KHDRBS2: variants seen among roughly 807,000 people sequenced by gnomAD.
The protein encoded by KHDRBS2 is KH RNA binding domain containing, signal transduction associated 2, also known as KH domain-containing, RNA-binding, signal transduction-associated protein 2.
KHDRBS2 carries 26 observed loss-of-function variants against 44.3 expected under a neutral mutation model. The ratio of observed to expected loss-of-function variants is 0.59; its 90% CI spans 0.43 to 0.81. KHDRBS2 has a LOEUF of 0.81. Among genes scored for constraint, KHDRBS2 ranks in the 40% least tolerant of loss-of-function variants. KHDRBS2 has a pLI of 0.00. For synonymous variants in KHDRBS2, 194 were observed against 151.1 expected (o/e 1.28, Z -2.08); for missense variants, 476 against 433.1 (o/e 1.10, Z -0.88).
chr6:61,801,745 A>G (rs1001603973), intron 6 of KHDRBS2, among the ~76,000 whole-genome samples: 6 of 152,118 alleles, frequency 3.9e-5, no homozygotes, highest in African/African-American at 1.4e-4. Context: ...TCTTTGTCCC[A>G]TTTCATTCTC....
At chr6:62,178,346 G>GAATAGTGGCTGAA (rs1554458647) in intron 1 of KHDRBS2, among the ~76,000 whole-genome samples, 31 of 151,580 alleles carry the variant, frequency 2.0e-4, no homozygotes, top group African/African-American at 7.5e-4. Context: ...TAGTGAATGT[G>GAATAGTGGCTGAA]GAAAAAAGGC....
chr6:62,013,353 T>C (rs1244239834), intron 3 of KHDRBS2, among the ~76,000 whole-genome samples: 1 of 152,140 alleles, frequency 6.6e-6, no homozygotes, highest in African/African-American at 2.4e-5. Context: ...AATGATAAGG[T>C]ACTTAAATTA....
intron 2 of KHDRBS2, among the ~76,000 whole-genome samples, chr6:62,172,765 A>G (rs1197614416): frequency 1.3e-5 from 2 of 151,900 alleles, no homozygotes; most frequent in Non-Finnish European, 2.9e-5. Context: ...CACAATAAAA[A>G]TACATATCAA....
intron 2 of KHDRBS2, among the ~76,000 whole-genome samples, chr6:62,141,993 C>A (rs903167172): frequency 6.6e-6 from 1 of 152,012 alleles, no homozygotes; most frequent in African/African-American, 2.4e-5. Context: ...TACAAAAACT[C>A]ACCAAAAGTA....
chr6:61,927,975 G>T (rs1809286518), intron 4 of KHDRBS2, among the ~76,000 whole-genome samples: 1 of 152,058 alleles, frequency 6.6e-6, no homozygotes, highest in African/African-American at 2.4e-5. Flanking sequence ...ACTGAGCTCT[G>T]CCCAATCTTG....
chr6:62,037,707 T>C (rs1402877420), intron 3 of KHDRBS2, among the ~76,000 whole-genome samples: 2 of 151,900 alleles, frequency 1.3e-5, no homozygotes, highest in Non-Finnish European at 2.9e-5. Context: ...AACCCTATAG[T>C]GATGCTAAAA....
At chr6:61,893,525 T>C (rs1166788850) in intron 6 of KHDRBS2, among the ~76,000 whole-genome samples, 2 of 152,162 alleles carry the variant, frequency 1.3e-5, no homozygotes, top group Non-Finnish European at 2.9e-5. Context: ...ATAGACTGGA[T>C]TAAGAAAACG....
At chr6:62,061,164 T>C (rs954832742) in intron 2 of KHDRBS2, among the ~76,000 whole-genome samples, 2 of 151,838 alleles carry the variant, frequency 1.3e-5, no homozygotes, top group African/African-American at 2.4e-5. Flanking sequence ...GAGCATTTAG[T>C]CCATTTACAT....
At chr6:62,072,213 T>G (rs1462690269) in intron 2 of KHDRBS2, among the ~76,000 whole-genome samples, 5 of 152,158 alleles carry the variant, frequency 3.3e-5, no homozygotes, top group Middle Eastern at 3.4e-3. Context: ...CTTGGCTGAA[T>G]TTGCTTATCA....
In KHDRBS2 at chr6:62,200,924, T is replaced by C. The variant is rs183403232; in HGVS notation, c.92-23612A>G. ...GCAGCCATAAAAAATGATGAGTTCA[T>C]GTTCTTTGTAGGGGCATGGATGAAG... On this transcript the variant is annotated intron_variant, in intron 1 of 8. Transcript: ENST00000281156. 2.6e-3 allele frequency among the ~76,000 whole-genome samples: 390 copies of C among 152,268 alleles called. 1 individual carries two copies. The highest frequency in any genetic ancestry group is 4.1e-3 in the Admixed American group (63 of 15,282).
intron 4 of KHDRBS2, among the ~76,000 whole-genome samples, chr6:61,953,133 C>A (rs1765120339): frequency 6.6e-6 from 1 of 151,868 alleles, no homozygotes; most frequent in African/African-American, 2.4e-5. Flanking sequence ...ATAATGAAAT[C>A]TTATATTTAT....
At chr6:62,035,218 A>G (rs1456595079) in intron 3 of KHDRBS2, among the ~76,000 whole-genome samples, 1 of 151,990 alleles carries the variant, frequency 6.6e-6, no homozygotes, top group African/African-American at 2.4e-5. Flanking sequence ...GGCTCACAAT[A>G]GCCAAGAATT....
chr6:62,182,164 T>C (rs1027123584), intron 1 of KHDRBS2, among the ~76,000 whole-genome samples: 2 of 151,996 alleles, frequency 1.3e-5, no homozygotes, highest in African/African-American at 4.8e-5. Context: ...GAGAAATAAA[T>C]GTTTATTGTT....
At chr6:61,766,490 T>C (rs530427672) in intron 6 of KHDRBS2, among the ~76,000 whole-genome samples, 1 of 152,180 alleles carries the variant, frequency 6.6e-6, no homozygotes, top group Admixed American at 6.5e-5. Flanking sequence ...TCTTTATTAT[T>C]TCTTCTACTA....
intron 3 of KHDRBS2, among the ~76,000 whole-genome samples, chr6:62,028,131 G>A (rs1783707942): frequency 6.6e-6 from 1 of 152,010 alleles, no homozygotes; most frequent in Admixed American, 6.6e-5. Flanking sequence ...TGAATTGTAG[G>A]ACATCCTGCC....
chr6:62,196,037 G>A (rs1825624664), intron 1 of KHDRBS2, among the ~76,000 whole-genome samples: 1 of 152,120 alleles, frequency 6.6e-6, no homozygotes, highest in African/African-American at 2.4e-5. Flanking sequence ...TTCCCATTCT[G>A]GGTGAGTGAG....
At chr6:62,262,715 G>C (rs1249327972) in intron 1 of KHDRBS2, among the ~76,000 whole-genome samples, 1 of 151,464 alleles carries the variant, frequency 6.6e-6, no homozygotes, top group South Asian at 2.1e-4. Context: ...CCTACATCTA[G>C]CACAGTGCTT....
chr6:61,677,769 C>T (rs958939370), downstream of KHDRBS2, among the ~76,000 whole-genome samples: 1 of 151,956 alleles, frequency 6.6e-6, no homozygotes, highest in East Asian at 2.0e-4. Flanking sequence ...CCCCTCAGGG[C>T]CCACTGGGCT....
At chr6:61,767,302 CA>C (rs1352099610) in intron 6 of KHDRBS2, among the ~76,000 whole-genome samples, 1 of 151,924 alleles carries the variant, frequency 6.6e-6, no homozygotes. Context: ...ATTCCATTTG[CA>C]TAGAATACTT....
Sources: gnomAD v4.1 joint callset for allele counts (sites outside exome capture counted in the v4.1 genomes callset) on GRCh38, gnomAD v4.1.1 for gene constraint, MANE v1.5 for transcripts, NCBI Gene and HGNC (gene_info 2026-07-23, HGNC 2026-07-21) for gene names.